CADM1: variants seen among roughly 807,000 people sequenced by gnomAD.
CADM1 encodes the protein cell adhesion molecule 1, also known as TSLC-1.
A neutral mutation model predicts 53.1 loss-of-function variants in CADM1; 15 were observed. The observed-to-expected ratio is 0.28, with a 90% CI of 0.19 to 0.44. The LOEUF is 0.44. CADM1 is among the 20% of genes least tolerant of loss of function. The probability of loss-of-function intolerance (pLI) is 1.00; values close to 1 mark genes in which losing one functional copy is unlikely to be tolerated. For synonymous variants in CADM1, 281 were observed against 243.0 expected (o/e 1.16, Z -1.45); for missense variants, 434 against 611.3 (o/e 0.71, Z 3.06).
At chr11:115,301,532 T>C (rs867259942) in intron 1 of CADM1, among the ~76,000 whole-genome samples, 2 of 152,156 alleles carry the variant, frequency 1.3e-5, no homozygotes, top group African/African-American at 4.8e-5. Flanking sequence ...TGTGATCATC[T>C]ACAAGGTGCA....
At chr11:115,401,086 G>A (rs1025489306) in intron 1 of CADM1, among the ~76,000 whole-genome samples, 1 of 152,090 alleles carries the variant, frequency 6.6e-6, no homozygotes, top group Non-Finnish European at 1.5e-5. Context: ...AAACTTGTAG[G>A]CAACCAAAAT....
intron 1 of CADM1, among the ~76,000 whole-genome samples, chr11:115,265,786 T>C (rs1348460217): frequency 6.6e-6 from 1 of 152,186 alleles, no homozygotes; most frequent in Non-Finnish European, 1.5e-5. Context: ...CATTTAATCT[T>C]TTGGTGTAAA....
At chr11:115,292,466 G>A (rs2135112751) in intron 1 of CADM1, among the ~76,000 whole-genome samples, 1 of 152,302 alleles carries the variant, frequency 6.6e-6, no homozygotes, top group African/African-American at 2.4e-5. Flanking sequence ...TGAAAGAGGG[G>A]AAGCACGGCA....
chr11:115,486,900 C>T (rs1949384888), intron 1 of CADM1, among the ~76,000 whole-genome samples: 1 of 152,160 alleles, frequency 6.6e-6, no homozygotes, highest in Non-Finnish European at 1.5e-5. Context: ...CCTTTATATC[C>T]CTCTAATGGA....
chr11:115,479,969 A>G (rs994775138), intron 1 of CADM1, among the ~76,000 whole-genome samples: 2 of 152,222 alleles, frequency 1.3e-5, no homozygotes, highest in African/African-American at 4.8e-5. Flanking sequence ...TGGCATCATC[A>G]CCTAGTAAAT....
chr11:115,451,805 G>C (rs1023910078), intron 1 of CADM1, among the ~76,000 whole-genome samples: 4 of 152,082 alleles, frequency 2.6e-5, no homozygotes, highest in Non-Finnish European at 5.9e-5. Flanking sequence ...GAAACAATCA[G>C]AGGAGTCAAT....
At chr11:115,266,989 C>T (rs958242176) in intron 1 of CADM1, among the ~76,000 whole-genome samples, 4 of 152,200 alleles carry the variant, frequency 2.6e-5, no homozygotes, top group Admixed American at 2.0e-4. Context: ...ATTCTTTAAG[C>T]TTCTTGCCTG....
At chr11:115,420,622 A>G (rs1947729676) in intron 1 of CADM1, among the ~76,000 whole-genome samples, 1 of 152,184 alleles carries the variant, frequency 6.6e-6, no homozygotes, top group African/African-American at 2.4e-5. Context: ...GTCTCCAGCC[A>G]AAACAGGAGA....
chr11:115,503,139 G>A (rs899191489), intron 1 of CADM1, among the ~76,000 whole-genome samples: 8 of 152,148 alleles, frequency 5.3e-5, no homozygotes, highest in Non-Finnish European at 8.8e-5. Flanking sequence ...AGCGCGGCGA[G>A]GTGGCGGGAA....
rs183293049 is a variant in CADM1, at chr11:115,264,555, T to C, written c.125-24135A>G. Among the ~76,000 whole-genome samples, 297 of 152,288 alleles carry C rather than the reference T, an allele frequency of 2.0e-3. 2 individuals are homozygous for C. Among genetic ancestry groups the C allele is most frequent in the African/African-American group, 6.9e-3 (287 of 41,552 alleles). Reference sequence around the variant, plus strand: ...AGGTTTCAGAGACCTAGTTTTTCCATGAACACAACAAAAGCTCCTGTACAA... The same window carrying C: ...AGGTTTCAGAGACCTAGTTTTTCCACGAACACAACAAAAGCTCCTGTACAA... On this transcript the variant is annotated intron_variant, in intron 1 of 11. Coordinates refer to ENST00000331581, the MANE Select transcript of CADM1 (RefSeq NM_001301043.2).
intron 1 of CADM1, among the ~76,000 whole-genome samples, chr11:115,338,906 T>A (rs1591723000): frequency 7.7e-6 from 1 of 129,828 alleles, no homozygotes; most frequent in Non-Finnish European, 1.8e-5. Context: ...TTTTTTTTTT[T>A]TATTATACTC....
intron 8 of CADM1, among the ~76,000 whole-genome samples, chr11:115,208,757 C>T (rs1940813427): frequency 6.6e-6 from 1 of 152,146 alleles, no homozygotes; most frequent in African/African-American, 2.4e-5. Flanking sequence ...TGGCCAGAAG[C>T]TTTCCTACTT....
chr11:115,191,097 C>T (rs920128412), intron 9 of CADM1, 156 bp from the exon 10 acceptor site: 18 of 637,192 alleles, frequency 2.8e-5, no homozygotes, highest in South Asian at 9.8e-5. Flanking sequence ...AAGTACATTT[C>T]TTCAATTATG....
chr11:115,439,141 A>G (rs1948250085), intron 1 of CADM1, among the ~76,000 whole-genome samples: 1 of 152,194 alleles, frequency 6.6e-6, no homozygotes, highest in South Asian at 2.1e-4. Flanking sequence ...ACCTACTTCC[A>G]GCAAAGGGCT....
chr11:115,231,225 G>T, intron 4 of CADM1, 128 bp downstream of exon 4: 1 of 1,061,780 alleles, frequency 9.4e-7, no homozygotes, highest in Non-Finnish European at 1.5e-6. Flanking sequence ...TTTAGTAACT[G>T]ATTATAAACC....
rs922303406 is a variant in CADM1, at chr11:115,376,521, G to C, written c.124+127750C>G. Among the ~76,000 whole-genome samples, 3 of 152,040 alleles carry C rather than the reference G, an allele frequency of 2.0e-5. 1 individual carries two copies. The highest frequency in any genetic ancestry group is 2.1e-4 in the South Asian group (1 of 4,832). ...GTGCAAACAGAGGGCTAAGAATTTAGAAAGCCAAGATACAAAAAAAGCTAA... is the reference window on the plus strand; with the variant it reads ...GTGCAAACAGAGGGCTAAGAATTTACAAAGCCAAGATACAAAAAAAGCTAA... On this transcript the variant is annotated intron_variant, in intron 1 of 11. Coordinates refer to ENST00000331581, the MANE Select transcript of CADM1 (RefSeq NM_001301043.2).
rs1221729073 is a variant in CADM1 at position 115,289,874 on chromosome 11, C to T, written c.125-49454G>A. Reference sequence around the variant, plus strand: ...CCTCCCAAAGTGCTGGGATTACAGGCGTGAACCACCGCGCCCGGCCCTGAA... The same window carrying T: ...CCTCCCAAAGTGCTGGGATTACAGGTGTGAACCACCGCGCCCGGCCCTGAA... On this transcript the variant is annotated intron_variant, in intron 1 of 11. Coordinates refer to ENST00000331581, the MANE Select transcript of CADM1 (RefSeq NM_001301043.2). 2.0e-5 allele frequency among the ~76,000 whole-genome samples: 3 copies of T among 152,072 alleles called. No individual in the cohort carries two copies. In the East Asian group the frequency reaches 5.8e-4, roughly 29 times the overall value.
intron 1 of CADM1, among the ~76,000 whole-genome samples, chr11:115,423,455 A>G (rs1479199152): frequency 6.6e-6 from 1 of 152,226 alleles, no homozygotes; most frequent in African/African-American, 2.4e-5. Flanking sequence ...CTTACTATGC[A>G]TGGTGACAGA....
chr11:115,238,883 T>C (rs982698102), intron 2 of CADM1, among the ~76,000 whole-genome samples: 11 of 147,100 alleles, frequency 7.5e-5, no homozygotes, highest in East Asian at 3.9e-4. Context: ...TATGCACACA[T>C]ATATATATAT....
Sources: allele counts gnomAD v4.1 joint callset (sites outside exome capture counted in the v4.1 genomes callset), GRCh38; gene constraint gnomAD v4.1.1; transcripts MANE v1.5; gene names NCBI Gene and HGNC (gene_info 2026-07-23, HGNC 2026-07-21).